Variants in COL4A4 observed in about 807,000 individuals in gnomAD.
COL4A4 encodes collagen alpha-4(IV) chain.
COL4A4 carries 105 observed loss-of-function variants against 192.9 expected under a neutral mutation model. The ratio of observed to expected loss-of-function variants is 0.54; its 90% CI spans 0.46 to 0.64. The LOEUF (loss-of-function observed/expected upper bound fraction) is 0.64. Among genes scored for constraint, COL4A4 ranks in the 30% least tolerant of loss-of-function variants. The probability of loss-of-function intolerance (pLI) is 0.00; values close to 1 mark genes in which losing one functional copy is unlikely to be tolerated. For missense variants in COL4A4, 1,967 were observed against 2,169.3 expected, an observed-to-expected ratio of 0.91 and a Z score of 1.85; for synonymous variants, 762 against 769.9, an observed-to-expected ratio of 0.99 and a Z score of 0.17.
At chr2:227,127,220 T>A (rs2062141906) in intron 4 of COL4A4, among the ~76,000 whole-genome samples, 1 of 152,208 alleles carries the variant, frequency 6.6e-6, no homozygotes, top group African/African-American at 2.4e-5. Flanking sequence ...AGCTTCGAAG[T>A]CAGAAGACAG....
intron 1 of COL4A4, 42 bp downstream of exon 1, chr2:227,163,964 CG>C: frequency 6.6e-6 from 1 of 152,484 alleles, no homozygotes; most frequent in Non-Finnish European, 1.5e-5. Flanking sequence ...AGGCAGGTGC[CG>C]GGGCCCCGGG....
intron 9 of COL4A4, 73 bp downstream of exon 9, chr2:227,111,605 G>A (rs2061213232): frequency 6.7e-7 from 1 of 1,503,470 alleles, no homozygotes; most frequent in African/African-American, 1.4e-5. Context: ...AGCTGGCTTT[G>A]CTGGGATTAA....
chr2:226,988,359 C>A, the COL4A4 span: 1 of 1,550,158 alleles, frequency 6.5e-7, no homozygotes, highest in East Asian at 2.4e-5. Flanking sequence ...GAGACAATGG[C>A]AAGTCTCCTG....
chr2:227,010,214 A>T (rs549590081), intron 46 of COL4A4, 99 bp downstream of exon 46: 29 of 1,216,926 alleles, frequency 2.4e-5, no homozygotes, highest in Middle Eastern at 3.9e-4. Context: ...GAATAATCCC[A>T]TATAAGGTTA....
chr2:227,145,866 C>T (rs2063515957), intron 2 of COL4A4, among the ~76,000 whole-genome samples: 1 of 152,186 alleles, frequency 6.6e-6, no homozygotes, highest in Non-Finnish European at 1.5e-5. Flanking sequence ...AATTCCAACA[C>T]AAGCCAGGTT....
chr2:227,056,623 T>C (rs1481174168), intron 29 of COL4A4, among the ~76,000 whole-genome samples: 1 of 152,240 alleles, frequency 6.6e-6, no homozygotes, highest in Non-Finnish European at 1.5e-5. Flanking sequence ...ACAATGTGAA[T>C]AGTGAAATGA....
intron 5 of COL4A4, among the ~76,000 whole-genome samples, chr2:227,120,415 T>C (rs111440828): frequency 1.7e-3 from 262 of 152,294 alleles, no homozygotes; most frequent in African/African-American, 6.1e-3. Flanking sequence ...CTAAGACATA[T>C]TGTTGAGTGA....
At chr2:227,122,085 T>C (rs1436827580) in intron 4 of COL4A4, among the ~76,000 whole-genome samples, 1 of 152,218 alleles carries the variant, frequency 6.6e-6, no homozygotes. Flanking sequence ...TTTCCATGAA[T>C]GAAAAGGCCA....
chr2:227,047,861 A>C (rs923161705), intron 34 of COL4A4, among the ~76,000 whole-genome samples: 2 of 152,148 alleles, frequency 1.3e-5, no homozygotes, highest in Non-Finnish European at 2.9e-5. Context: ...TCTATTTAAG[A>C]AATTATTTGG....
At chr2:226,979,353 A>G in the COL4A4 span, among the ~76,000 whole-genome samples, 122 of 152,306 alleles carry the variant, frequency 8.0e-4, no homozygotes, top group African/African-American at 2.9e-3. Flanking sequence ...GAAAAAAGGA[A>G]AAAACTCAGC....
At chr2:227,023,100 T>C (rs1966336197) in intron 43 of COL4A4, among the ~76,000 whole-genome samples, 1 of 152,110 alleles carries the variant, frequency 6.6e-6, no homozygotes, top group African/African-American at 2.4e-5. Context: ...TGTACATCTC[T>C]AACATGTTCC....
At chr2:227,089,809 G>A in intron 21 of COL4A4, 59 bp downstream of exon 21, 1 of 1,360,572 alleles carries the variant, frequency 7.3e-7, no homozygotes, top group South Asian at 1.2e-5. Flanking sequence ...TCTCAGAAAT[G>A]CCCCCGATCA....
chr2:227,112,665 A>G (rs979094715), intron 8 of COL4A4, among the ~76,000 whole-genome samples: 1 of 152,094 alleles, frequency 6.6e-6, no homozygotes, highest in African/African-American at 2.4e-5. Flanking sequence ...ACCACCATCC[A>G]TCTCCAAAAC....
intron 45 of COL4A4, 72 bp from the exon 46 acceptor site, chr2:227,010,573 G>A (rs1963449792): frequency 2.3e-6 from 3 of 1,288,788 alleles, no homozygotes; most frequent in South Asian, 1.6e-5. Context: ...AAGCACCTCT[G>A]TTCTGGCACT....
At chr2:227,138,738 A>G (rs1425857128) in intron 4 of COL4A4, among the ~76,000 whole-genome samples, 1 of 152,222 alleles carries the variant, frequency 6.6e-6, no homozygotes, top group African/African-American at 2.4e-5. Flanking sequence ...TGGATTTGTC[A>G]TAACTTATGC....
At chr2:226,980,083 G>T in the COL4A4 span, among the ~76,000 whole-genome samples, 1 of 152,190 alleles carries the variant, frequency 6.6e-6, no homozygotes, top group Non-Finnish European at 1.5e-5. Context: ...AGCCTGGAAA[G>T]GGGGTCATTA....
chr2:227,039,623 T>C (rs1432874696), intron 37 of COL4A4, among the ~76,000 whole-genome samples: 1 of 152,194 alleles, frequency 6.6e-6, no homozygotes, highest in East Asian at 1.9e-4. Context: ...TTAAAAATCC[T>C]TGCTGTGTTA....
At chr2:227,162,380 ATTTT>A (rs935910054) in intron 1 of COL4A4, among the ~76,000 whole-genome samples, 4 of 152,058 alleles carry the variant, frequency 2.6e-5, no homozygotes, top group East Asian at 1.9e-4. Flanking sequence ...TAGCATTGAG[ATTTT>A]TTTGTTTGTA....
rs1187419564 is a variant in COL4A4, at chr2:227,115,269, C to CTTTTTT, written c.490-579_490-574dup. On this transcript the variant is annotated intron_variant, in intron 7 of 47. Transcript: ENST00000396625. ...AATATCTTAATATCCTACTTTAATT[C>CTTTTTT]TTTTTTTTTTTTTTTTTTTGAGACA... is the stretch of plus-strand genomic sequence containing the variant. 5.4e-3 allele frequency among the ~76,000 whole-genome samples: 668 copies of CTTTTTT among 123,916 alleles called. 23 individuals carry two copies. The highest frequency in any genetic ancestry group is 0.02 in the African/African-American group (630 of 30,892). 81.3% of individuals were successfully genotyped at this position (123,916 alleles called of 152,430 possible).
Sources: allele counts gnomAD v4.1 joint callset (sites outside exome capture counted in the v4.1 genomes callset), GRCh38; gene constraint gnomAD v4.1.1; transcripts MANE v1.5; gene names NCBI Gene and HGNC (gene_info 2026-07-23, HGNC 2026-07-21).